Variants in CLASP1 observed in about 807,000 individuals in gnomAD.
CLASP1 encodes CLIP-associating protein 1.
Under a neutral mutation model 192.3 loss-of-function variants are expected in CLASP1, and 38 were observed. The observed-to-expected ratio is 0.20, with a 90% CI of 0.15 to 0.26. The LOEUF (loss-of-function observed/expected upper bound fraction) is 0.26. Among genes scored for constraint, CLASP1 ranks in the 10% least tolerant of loss-of-function variants. CLASP1 has a pLI of 1.00. For missense variants in CLASP1, 1,433 were observed against 1,932.5 expected, an observed-to-expected ratio of 0.74 and a Z score of 4.85; for synonymous variants, 691 against 712.8, an observed-to-expected ratio of 0.97 and a Z score of 0.49.
chr2:121,363,957 T>C (rs190087050), intron 36 of CLASP1, among the ~76,000 whole-genome samples: 180 of 152,292 alleles, frequency 1.2e-3, no homozygotes, highest in African/African-American at 4.1e-3. Flanking sequence ...ATCTGTACAG[T>C]TCACACACTA....
chr2:121,648,094 T>C (rs1458555898), intron 1 of CLASP1, among the ~76,000 whole-genome samples: 1 of 152,232 alleles, frequency 6.6e-6, no homozygotes, highest in African/African-American at 2.4e-5. Context: ...TTTTTATCTA[T>C]ATGGTCGCAA....
At chr2:121,430,222 G>C in intron 19 of CLASP1, 45 bp from the exon 20 acceptor site, 1 of 1,407,416 alleles carries the variant, frequency 7.1e-7, no homozygotes, top group Non-Finnish European at 9.8e-7. Flanking sequence ...TTTCCAGTAA[G>C]TGCCACCTCC....
At chr2:121,515,667 G>A (rs1443223610) in exon 7 of CLASP1, 4 of 1,613,396 alleles carry the variant, frequency 2.5e-6, no homozygotes, top group Non-Finnish European at 8.5e-7. Context: ...GCACTCACCG[G>A]GACTGTGGCA....
chr2:121,449,360 A>G (rs943564436), intron 16 of CLASP1, among the ~76,000 whole-genome samples: 3 of 152,138 alleles, frequency 2.0e-5, no homozygotes, highest in African/African-American at 7.2e-5. Context: ...CATTTATAAC[A>G]TGGGAATTAA....
chr2:121,381,594 A>G (rs1490581093), intron 33 of CLASP1, among the ~76,000 whole-genome samples: 1 of 152,162 alleles, frequency 6.6e-6, no homozygotes, highest in Non-Finnish European at 1.5e-5. Flanking sequence ...TGCCGCATTC[A>G]GCATCAACTG....
At chr2:121,338,603 G>C (rs945532084) in exon 40 of CLASP1, 1 of 152,342 alleles carries the variant, frequency 6.6e-6, no homozygotes, top group Non-Finnish European at 1.5e-5. Context: ...CAGTGAGGTG[G>C]TGGCGGCATG....
rs1043395798 is a variant in CLASP1 at position 121,459,706 on chromosome 2, T to C, written c.1178+274A>G. The stretch of plus-strand genomic sequence containing the variant: ...GAAAAATCAGAGAAACAGGATTTTA[T>C]AGAATTTCACTTTTCCATATTAATA... On this transcript the variant is annotated intron_variant, in intron 12 of 39. Coordinates refer to ENST00000263710, the Ensembl canonical transcript of CLASP1. The C allele has an allele frequency of 2.5e-5, 7 of 279,626 alleles. No homozygotes were observed. In the East Asian group the frequency reaches 3.1e-4, roughly 12 times the overall value. 17.3% of individuals were successfully genotyped at this position (279,626 alleles called of 1,614,324 possible).
chr2:121,643,537 T>A (rs1359115457), intron 1 of CLASP1, among the ~76,000 whole-genome samples: 2 of 152,220 alleles, frequency 1.3e-5, no homozygotes, highest in African/African-American at 2.4e-5. Flanking sequence ...TCATAAGACT[T>A]GGAAGGGAAC....
chr2:121,562,275 C>A (rs767220864), intron 2 of CLASP1, among the ~76,000 whole-genome samples: 7 of 152,184 alleles, frequency 4.6e-5, no homozygotes, highest in Non-Finnish European at 1.0e-4. Flanking sequence ...CTGCCTGTGA[C>A]CACTGCTAAC....
At chr2:121,570,591 G>A (rs2059898436) in intron 2 of CLASP1, among the ~76,000 whole-genome samples, 1 of 152,138 alleles carries the variant, frequency 6.6e-6, no homozygotes, top group African/African-American at 2.4e-5. Flanking sequence ...TCAATATCAG[G>A]GAGCCCGGCT....
At chr2:121,580,120 G>A (rs562308839) in intron 2 of CLASP1, among the ~76,000 whole-genome samples, 45 of 152,160 alleles carry the variant, frequency 3.0e-4, no homozygotes, top group Non-Finnish European at 5.6e-4. Context: ...CTTGGGTATT[G>A]TCCATATATT....
intron 22 of CLASP1, among the ~76,000 whole-genome samples, chr2:121,424,587 A>G (rs1450636304): frequency 6.6e-6 from 1 of 152,236 alleles, no homozygotes; most frequent in Non-Finnish European, 1.5e-5. Flanking sequence ...TCTACACACT[A>G]TTACAAAGAA....
At chr2:121,566,198 G>A (rs1488494689) in intron 2 of CLASP1, among the ~76,000 whole-genome samples, 3 of 152,170 alleles carry the variant, frequency 2.0e-5, no homozygotes, top group African/African-American at 4.8e-5. Context: ...AGATGTGTGG[G>A]TGCAAAAAGA....
intron 38 of CLASP1, 24 bp downstream of exon 39, chr2:121,348,488 G>C (rs1318469904): frequency 1.9e-6 from 3 of 1,585,136 alleles, no homozygotes; most frequent in Non-Finnish European, 2.6e-6. Flanking sequence ...GCCGGGGGCA[G>C]GCCCCACCAA....
At chr2:121,620,506 C>T (rs1399404224) in intron 1 of CLASP1, among the ~76,000 whole-genome samples, 6 of 152,052 alleles carry the variant, frequency 3.9e-5, no homozygotes, top group Non-Finnish European at 7.4e-5. Flanking sequence ...CGCGTCACCA[C>T]GCCCAGCTAA....
chr2:121,647,365 T>C (rs117469475), intron 1 of CLASP1, among the ~76,000 whole-genome samples: 5,601 of 152,180 alleles, frequency 0.037, 159 homozygotes, highest in East Asian at 0.14. Context: ...TGAAACTCTG[T>C]TTCAAAAATA....
At chr2:121,427,404 C>T in exon 21 of CLASP1, 1 of 1,612,764 alleles carries the variant, frequency 6.2e-7, no homozygotes, top group East Asian at 2.2e-5. Context: ...AATGGCTTAC[C>T]ACCAGCAGGA....
intron 16 of CLASP1, among the ~76,000 whole-genome samples, chr2:121,450,497 G>T (rs745821348): frequency 2.0e-5 from 3 of 152,142 alleles, no homozygotes; most frequent in African/African-American, 7.2e-5. Context: ...CCCTTAATAT[G>T]ATTCACACCA....
chr2:121,525,077 C>G (rs1325924996), intron 6 of CLASP1, among the ~76,000 whole-genome samples: 1 of 152,084 alleles, frequency 6.6e-6, no homozygotes, highest in East Asian at 1.9e-4. Context: ...GGCCACTGAC[C>G]ATATATATTT....
Sources: gnomAD v4.1 joint callset for allele counts (sites outside exome capture counted in the v4.1 genomes callset) on GRCh38, gnomAD v4.1.1 for gene constraint, MANE v1.5 for transcripts, NCBI Gene and HGNC (gene_info 2026-07-23, HGNC 2026-07-21) for gene names.